CDH18: variants seen among roughly 807,000 people sequenced by gnomAD.
CDH18 encodes the protein cadherin 18, also known as cadherin-18.
Under a neutral mutation model 67.9 loss-of-function variants are expected in CDH18, and 31 were observed. That is an observed-to-expected ratio of 0.46 (90% CI 0.34 to 0.62). The LOEUF is 0.62. Among genes scored for constraint, CDH18 ranks in the 20% least tolerant of loss-of-function variants. CDH18 has a pLI of 0.01. For synonymous variants in CDH18, 362 were observed against 347.2 expected (o/e 1.04, Z -0.48); for missense variants, 890 against 975.5 (o/e 0.91, Z 1.17).
intron 1 of CDH18, among the ~76,000 whole-genome samples, chr5:20,455,196 G>A (rs1750755900): frequency 6.6e-6 from 1 of 152,026 alleles, no homozygotes; most frequent in Non-Finnish European, 1.5e-5. Flanking sequence ...GATGGACTTT[G>A]CACTTGGAGT....
intron 12 of CDH18, among the ~76,000 whole-genome samples, chr5:19,475,306 A>AATTTAGTAAACATTATAGCTT (rs1738262506): frequency 6.6e-6 from 1 of 151,810 alleles, no homozygotes; most frequent in South Asian, 2.1e-4. Context: ...TGATACACAT[A>AATTTAGTAAACATTATAGCTT]ATTTAGTAAA....
rs146133213 is a variant in CDH18 at position 19,771,645 on chromosome 5, T to G, written c.229-24409A>C. On this transcript the variant is annotated intron_variant, in intron 3 of 12. Coordinates refer to ENST00000382275, the MANE Select transcript of CDH18 (RefSeq NM_004934.5). ...AAACTGTGAGATAAGGAATGTTTGT[T>G]GTTTTAAGCCACTGAGTATTGGGGA... 8.4e-3 allele frequency among the ~76,000 whole-genome samples: 1,284 copies of G among 152,352 alleles called. 21 individuals are homozygous for G. The highest frequency in any genetic ancestry group is 0.03 in the African/African-American group (1,237 of 41,588).
At chr5:20,561,209 A>G (rs1758189601) in intron 1 of CDH18, among the ~76,000 whole-genome samples, 1 of 152,100 alleles carries the variant, frequency 6.6e-6, no homozygotes, top group Admixed American at 6.6e-5. Context: ...GTTTTTTACA[A>G]AACTAAGCAA....
At chr5:20,366,644 C>G (rs1742544422) in intron 1 of CDH18, among the ~76,000 whole-genome samples, 1 of 152,140 alleles carries the variant, frequency 6.6e-6, no homozygotes, top group African/African-American at 2.4e-5. Flanking sequence ...GCCCCCCTAA[C>G]AGTGGAAGTA....
At chr5:20,526,427 TA>T (rs1013909624) in intron 1 of CDH18, among the ~76,000 whole-genome samples, 28 of 152,054 alleles carry the variant, frequency 1.8e-4, no homozygotes, top group Non-Finnish European at 4.0e-4. Context: ...ACTCCATCCA[TA>T]AGGGGGGCTT....
intron 1 of CDH18, among the ~76,000 whole-genome samples, chr5:20,513,946 T>A (rs2126495028): frequency 6.6e-6 from 1 of 152,276 alleles, no homozygotes; most frequent in African/African-American, 2.4e-5. Context: ...CAATTACATT[T>A]TACAGGCATT....
intron 2 of CDH18, among the ~76,000 whole-genome samples, chr5:20,234,034 T>C (rs527973645): frequency 1.3e-5 from 2 of 152,064 alleles, no homozygotes; most frequent in Non-Finnish European, 2.9e-5. Flanking sequence ...ACATGTACCA[T>C]AATAACAACA....
At chr5:20,433,478 G>A (rs190804511) in intron 1 of CDH18, among the ~76,000 whole-genome samples, 3 of 152,082 alleles carry the variant, frequency 2.0e-5, no homozygotes, top group African/African-American at 4.8e-5. Context: ...TGTAAAGAAA[G>A]CATTAACAGG....
intron 7 of CDH18, among the ~76,000 whole-genome samples, chr5:19,576,473 G>A (rs1022751715): frequency 2.0e-5 from 3 of 151,314 alleles, no homozygotes; most frequent in Non-Finnish European, 4.4e-5. Flanking sequence ...ATACAACTGA[G>A]CAACATATAT....
Position 20,279,699 on chromosome 5 carries a change from C to CAAAAAAAAAA in CDH18, c.-579-24204_-579-24195dup, listed in dbSNP as rs1189257278. Reference sequence around the variant, plus strand: ...GGGTGACAAAAGAGAAGCTCTGTCTCAAAAAAAAAAAAAAAAAAAAAAAAA... The same window carrying CAAAAAAAAAA: ...GGGTGACAAAAGAGAAGCTCTGTCTCAAAAAAAAAAAAAAAAAAAAAAAAAAAAAAAAAAA... On this transcript the variant is annotated intron_variant, in intron 1 of 14. Coordinates refer to the CDH18 transcript ENST00000507958. 6.8e-3 allele frequency among the ~76,000 whole-genome samples: 92 copies of CAAAAAAAAAA among 13,576 alleles called. 5 individuals carry two copies. The highest frequency in any genetic ancestry group is 0.024 in the South Asian group (3 of 126). 8.9% of individuals were successfully genotyped at this position (13,576 alleles called of 152,430 possible).
intron 1 of CDH18, among the ~76,000 whole-genome samples, chr5:20,540,207 T>C (rs746502943): frequency 6.6e-6 from 1 of 152,110 alleles, no homozygotes; most frequent in Non-Finnish European, 1.5e-5. Context: ...ATACAGACAT[T>C]TAAGCCTCAT....
chr5:19,501,514 G>GA (rs33928797), intron 11 of CDH18, among the ~76,000 whole-genome samples: 1,731 of 121,602 alleles, frequency 0.014, 16 homozygotes, highest in Middle Eastern at 0.048. Context: ...TCTTAAAAAA[G>GA]AAAAAAAAAA....
intron 1 of CDH18, among the ~76,000 whole-genome samples, chr5:20,389,586 C>T (rs942953248): frequency 6.6e-6 from 1 of 152,016 alleles, no homozygotes; most frequent in Non-Finnish European, 1.5e-5. Context: ...AGATTCAATG[C>T]CATCCCCATC....
At chr5:20,512,204 C>G (rs964558050) in intron 1 of CDH18, among the ~76,000 whole-genome samples, 1 of 152,056 alleles carries the variant, frequency 6.6e-6, no homozygotes, top group African/African-American at 2.4e-5. Context: ...GCTTGGGCAA[C>G]AGAGTGAGAC....
Position 19,571,679 on chromosome 5 carries a change from T to G in CDH18, c.1153A>C (p.Met385Leu). 1 of 1,613,876 alleles carries G rather than the reference T, an allele frequency of 6.2e-7. No individual in the cohort carries two copies. The highest frequency in any genetic ancestry group is 1.1e-5 in the South Asian group (1 of 91,068). Residue 385 changes from methionine to leucine, a missense_variant, in exon 8 of 13, where the codon ATG (methionine) becomes CTG (leucine). By Grantham distance (15) the Met-to-Leu change is conservative. Transcript: ENST00000382275. ...TAGACTTCCATGAGGTAGGAAGGCA[T>G]GGAAAATAGTGGTGGTTCATCTACA... ...GDVDEPPLFSMPSYLMEVYEN... is the reference protein window; with the variant it reads ...GDVDEPPLFSLPSYLMEVYEN...
At chr5:19,641,119 C>T (rs1753924263) in intron 5 of CDH18, among the ~76,000 whole-genome samples, 1 of 140,076 alleles carries the variant, frequency 7.1e-6, no homozygotes, top group Non-Finnish European at 1.5e-5. Flanking sequence ...GAAATACATA[C>T]AACTTACCGA....
intron 4 of CDH18, among the ~76,000 whole-genome samples, chr5:19,723,754 C>T (rs1215041586): frequency 6.6e-6 from 1 of 151,824 alleles, no homozygotes; most frequent in Non-Finnish European, 1.5e-5. Context: ...GCTCATGTTG[C>T]CCTGGCTGGA....
chr5:19,737,433 A>T (rs1292474785), intron 4 of CDH18, among the ~76,000 whole-genome samples: 56 of 151,948 alleles, frequency 3.7e-4, no homozygotes, highest in Admixed American at 3.7e-3. Flanking sequence ...CTATGCCTTG[A>T]CCATAAACCT....
intron 5 of CDH18, among the ~76,000 whole-genome samples, chr5:19,707,176 T>A (rs1764075212): frequency 6.6e-6 from 1 of 151,668 alleles, no homozygotes; most frequent in Non-Finnish European, 1.5e-5. Flanking sequence ...CAAAGACCCA[T>A]CATTGGCAGC....
Sources: allele counts gnomAD v4.1 joint callset (sites outside exome capture counted in the v4.1 genomes callset), GRCh38; gene constraint gnomAD v4.1.1; transcripts MANE v1.5; gene names NCBI Gene and HGNC (gene_info 2026-07-23, HGNC 2026-07-21).